Variants in TMEM196 observed in about 807,000 individuals in gnomAD.
TMEM196 encodes transmembrane protein 196.
TMEM196 carries 17 observed loss-of-function variants against 20.0 expected under a neutral mutation model. The observed-to-expected ratio is 0.85, with a 90% confidence interval of 0.58 to 1.27. The LOEUF (loss-of-function observed/expected upper bound fraction) is 1.27, where lower values mean the gene tolerates loss of function less well. TMEM196 is among the 50% of genes most tolerant of loss of function. The probability of loss-of-function intolerance (pLI) is 0.00; values close to 1 mark genes in which losing one functional copy is unlikely to be tolerated. For missense variants in TMEM196, 267 were observed against 223.0 expected, an observed-to-expected ratio of 1.20 and a Z score of -1.26; for synonymous variants, 113 against 88.9, an observed-to-expected ratio of 1.27 and a Z score of -1.52.
chr7:19,758,264 G>T (rs1315988112), intron 1 of TMEM196, among the ~76,000 whole-genome samples: 3 of 152,094 alleles, frequency 2.0e-5, no homozygotes, highest in African/African-American at 4.8e-5. Flanking sequence ...CATTTGGTCT[G>T]GAAAAGCACC....
intron 1 of TMEM196, among the ~76,000 whole-genome samples, chr7:19,744,303 A>G (rs1177172461): frequency 6.6e-6 from 1 of 152,198 alleles, no homozygotes; most frequent in East Asian, 1.9e-4. Flanking sequence ...GTGCAGTTGC[A>G]TACAAGATTT....
chr7:19,728,686 G>A (rs1158660551), intron 2 of TMEM196, among the ~76,000 whole-genome samples: 1 of 151,920 alleles, frequency 6.6e-6, no homozygotes, highest in Non-Finnish European at 1.5e-5. Flanking sequence ...CATAATACTT[G>A]GTAAAATAAA....
chr7:19,771,997 T>G (rs1317827035), intron 1 of TMEM196, among the ~76,000 whole-genome samples: 1 of 152,208 alleles, frequency 6.6e-6, no homozygotes, highest in Non-Finnish European at 1.5e-5. Context: ...TGGAATGAAA[T>G]GCACCCACAA....
chr7:19,765,313 T>C (rs1462730441), intron 1 of TMEM196, among the ~76,000 whole-genome samples: 1 of 152,168 alleles, frequency 6.6e-6, no homozygotes, highest in Non-Finnish European at 1.5e-5. Flanking sequence ...TACGAACTAA[T>C]GGAACTTAGA....
At chr7:19,748,280 A>AAC in intron 1 of TMEM196, among the ~76,000 whole-genome samples, 1 of 150,248 alleles carries the variant, frequency 6.7e-6, no homozygotes, top group East Asian at 1.9e-4. Context: ...AAAAAAAAAA[A>AAC]AAAAAAAAAA....
chr7:19,750,793 A>G (rs1040927997), intron 1 of TMEM196, among the ~76,000 whole-genome samples: 3 of 152,196 alleles, frequency 2.0e-5, no homozygotes, highest in Admixed American at 6.6e-5. Context: ...AATCTACACC[A>G]AAAATATACC....
intron 1 of TMEM196, among the ~76,000 whole-genome samples, chr7:19,765,427 G>GAAT (rs1489181227): frequency 7.9e-5 from 12 of 152,214 alleles, no homozygotes; most frequent in African/African-American, 2.9e-4. Context: ...AGGTATCTGT[G>GAAT]AATAATACAT....
chr7:19,742,650 G>T (rs1219165763), intron 1 of TMEM196, among the ~76,000 whole-genome samples: 3 of 152,138 alleles, frequency 2.0e-5, no homozygotes, highest in Admixed American at 2.0e-4. Context: ...CTTCTCCACA[G>T]GTAGTTTGTG....
intron 1 of TMEM196, among the ~76,000 whole-genome samples, chr7:19,748,059 T>C (rs1282209121): frequency 6.6e-6 from 1 of 152,046 alleles, no homozygotes; most frequent in East Asian, 1.9e-4. Context: ...ATGTAATACA[T>C]GTATTTCCAC....
intron 1 of TMEM196, among the ~76,000 whole-genome samples, chr7:19,749,731 G>C (rs10231972): frequency 0.24 from 36,751 of 151,828 alleles, 5,670 homozygotes; most frequent in East Asian, 0.44. Flanking sequence ...TATTTTTGTT[G>C]TCTCCTTTAT....
rs769412256 is a variant in TMEM196, at chr7:19,772,670, C to T, written c.27G>A (p.Gly9=). The change falls in exon 1 of 5, where the codon GGG becomes GGA. Residue 9 remains glycine (G), a synonymous_variant. Coordinates refer to ENST00000405844, the MANE Select transcript of TMEM196 (RefSeq NM_001363562.2). MCTSGQII[G]SLLVLSVLEI... ...CCAGCACGGAGAGCACCAAGAGGCT[C>T]CCAATAATCTGACCGCTGGTGCACA... 74 of 1,535,110 alleles carry T rather than the reference C, an allele frequency of 4.8e-5. No homozygotes were observed. In the Middle Eastern group the frequency reaches 6.9e-4, roughly 14 times the overall value.
At chr7:19,768,776 T>C (rs59239542) in intron 1 of TMEM196, among the ~76,000 whole-genome samples, 4,698 of 152,230 alleles carry the variant, frequency 0.031, 254 homozygotes, top group African/African-American at 0.11. Flanking sequence ...TTTTTCCTTC[T>C]AATTGCCCAT....
Position 19,772,819 on chromosome 7 carries a change from A to T in TMEM196, c.-123T>A. 1 of 1,002,494 alleles carries T rather than the reference A, an allele frequency of 1.0e-6. No homozygotes were observed. Among genetic ancestry groups the T allele is most frequent in the Non-Finnish European group, 1.3e-6 (1 of 759,118 alleles). The allele number at this position is 1,002,494 out of a possible 1,614,324, so 62.1% of individuals were successfully genotyped here. A position where few individuals can be genotyped will look rare whatever the true frequency, so the allele number is the denominator to read the frequency against. On this transcript the variant is annotated 5_prime_UTR_variant, in exon 1 of 5. Coordinates refer to ENST00000405844, the MANE Select transcript of TMEM196 (RefSeq NM_001363562.2). ...ATCCCAAAACTTTTCTTTCTTCAAG[A>T]GCGAGGCATTATCCACAAGGGCTGG...
intron 1 of TMEM196, among the ~76,000 whole-genome samples, chr7:19,755,756 G>T (rs867489048): frequency 3.9e-5 from 6 of 152,276 alleles, no homozygotes; most frequent in African/African-American, 1.4e-4. Context: ...GAGGCCAGGC[G>T]TGGTGGCTTA....
chr7:19,726,984 G>A (rs1037819985), intron 2 of TMEM196, among the ~76,000 whole-genome samples: 1 of 152,074 alleles, frequency 6.6e-6, no homozygotes, highest in South Asian at 2.1e-4. Context: ...TGGATGAAAG[G>A]CACAAATTAA....
intron 1 of TMEM196, among the ~76,000 whole-genome samples, chr7:19,752,542 T>C (rs1254709888): frequency 6.6e-6 from 1 of 152,160 alleles, no homozygotes; most frequent in South Asian, 2.1e-4. Context: ...ATTCCTAGTA[T>C]GATTTTTAGC....
intron 1 of TMEM196, among the ~76,000 whole-genome samples, chr7:19,748,350 CATT>C (rs1332186618): frequency 3.5e-5 from 5 of 142,042 alleles, no homozygotes; most frequent in South Asian, 2.3e-4. Flanking sequence ...TTAGAAGAGA[CATT>C]ATAATCATTG....
At chr7:19,772,430 C>G in intron 1 of TMEM196, 120 bp downstream of exon 1, 1 of 1,158,806 alleles carries the variant, frequency 8.6e-7, no homozygotes, top group Non-Finnish European at 1.2e-6. Flanking sequence ...TACATGCAAG[C>G]CAGAGATCTA....
chr7:19,758,777 C>CA (rs1266649570), intron 1 of TMEM196, among the ~76,000 whole-genome samples: 5 of 152,266 alleles, frequency 3.3e-5, no homozygotes, highest in Admixed American at 6.5e-5. Flanking sequence ...TCAGGCTACA[C>CA]AAAAAAGCAG....
Sources: gnomAD v4.1 joint callset for allele counts (sites outside exome capture counted in the v4.1 genomes callset) on GRCh38, gnomAD v4.1.1 for gene constraint, MANE v1.5 for transcripts, NCBI Gene and HGNC (gene_info 2026-07-23, HGNC 2026-07-21) for gene names.